The following ACP3 variants were observed in gnomAD, a reference collection of about 807,000 sequenced individuals.
The protein encoded by ACP3 is prostatic acid phosphatase.
Under a neutral mutation model 45.6 loss-of-function variants are expected in ACP3, and 38 were observed. The observed-to-expected ratio is 0.83, with a 90% CI of 0.64 to 1.09. The LOEUF is 1.09. Among genes scored for constraint, ACP3 ranks in the 50% least tolerant of loss-of-function variants. The pLI is 0.00. For missense variants in ACP3, 466 were observed against 463.2 expected (o/e 1.01, Z -0.05); for synonymous variants, 162 against 164.7 (o/e 0.98, Z 0.13).
chr3:132,368,122 G>GTA, exon 11 of ACP3: 2 of 223,108 alleles, frequency 9.0e-6, no homozygotes. Context: ...GAAATAAGAA[G>GTA]CCAAACTCCA....
chr3:132,366,007 T>C (rs1938126074), intron 10 of ACP3, among the ~76,000 whole-genome samples: 1 of 148,118 alleles, frequency 6.8e-6, no homozygotes, highest in South Asian at 2.1e-4. Flanking sequence ...AAAAAAAGGA[T>C]TGTGGCCTTG....
At chr3:132,321,572 C>T (rs1937207935) in intron 1 of ACP3, among the ~76,000 whole-genome samples, 1 of 152,160 alleles carries the variant, frequency 6.6e-6, no homozygotes, top group African/African-American at 2.4e-5. Flanking sequence ...GAGCTTCTCC[C>T]CAGATTTATG....
chr3:132,319,548 TTTTTTA>T (rs1456269419), intron 1 of ACP3, among the ~76,000 whole-genome samples: 5 of 144,860 alleles, frequency 3.5e-5, no homozygotes, highest in Admixed American at 6.6e-5. Context: ...TAGCAAATAA[TTTTTTA>T]GTCCCATGCA....
At chr3:132,367,764 T>C (rs1386758211) in exon 11 of ACP3, 1 of 1,613,964 alleles carries the variant, frequency 6.2e-7, no homozygotes, top group Non-Finnish European at 8.5e-7. Context: ...ATGGTACTAC[T>C]GTTTATCCAC....
At chr3:132,353,473 T>C (rs1184218900) in intron 9 of ACP3, among the ~76,000 whole-genome samples, 1 of 152,184 alleles carries the variant, frequency 6.6e-6, no homozygotes, top group Admixed American at 6.5e-5. Context: ...ACCAAAAATA[T>C]TTATCTGCTG....
chr3:132,338,249 A>G (rs1937518666), intron 5 of ACP3, among the ~76,000 whole-genome samples: 1 of 149,466 alleles, frequency 6.7e-6, no homozygotes, highest in Admixed American at 6.6e-5. Flanking sequence ...ATGGTATACT[A>G]TTCATAGGGT....
At chr3:132,335,036 T>G (rs1379730976) in intron 4 of ACP3, among the ~76,000 whole-genome samples, 1 of 152,178 alleles carries the variant, frequency 6.6e-6, no homozygotes, top group African/African-American at 2.4e-5. Flanking sequence ...TTCTGTTTAT[T>G]TTCAGCCTGA....
intron 1 of ACP3, among the ~76,000 whole-genome samples, chr3:132,322,938 C>A (rs1373918145): frequency 6.6e-6 from 1 of 152,218 alleles, no homozygotes; most frequent in Non-Finnish European, 1.5e-5. Flanking sequence ...ACCATTTTGG[C>A]TCTCAGTGTG....
At chr3:132,336,659 G>A (rs1473510649) in intron 4 of ACP3, among the ~76,000 whole-genome samples, 2 of 152,138 alleles carry the variant, frequency 1.3e-5, no homozygotes, top group Non-Finnish European at 2.9e-5. Context: ...TTTATGCAGA[G>A]ATCCTAAGCC....
In ACP3 at chr3:132,344,918, T is replaced by G; in HGVS notation, c.649-9T>G. On this transcript the variant is annotated splice_polypyrimidine_tract_variant and intron_variant, in intron 6 of 9. Coordinates refer to ENST00000336375, the MANE Select transcript of ACP3 (RefSeq NM_001099.5). ...CACATACATTTTTCTTCCTTTTTCT[T>G]TGCTACAGAGTGTTCACAATTTCAC... 3 of 1,611,930 alleles carry G rather than the reference T, an allele frequency of 1.9e-6. No individual in the cohort carries two copies. The highest frequency in any genetic ancestry group is 2.5e-6 in the Non-Finnish European group (3 of 1,179,392).
chr3:132,367,579 T>C, intron 10 of ACP3: 1 of 719,478 alleles, frequency 1.4e-6, no homozygotes, highest in Non-Finnish European at 2.5e-6. Context: ...ATAATGCTGA[T>C]TTCAAGGCCT....
chr3:132,318,715 A>C (rs954387170), intron 1 of ACP3, among the ~76,000 whole-genome samples: 26 of 152,276 alleles, frequency 1.7e-4, no homozygotes, highest in Middle Eastern at 3.4e-3. Context: ...AAAATATATA[A>C]TACTGTGTGC....
intron 7 of ACP3, among the ~76,000 whole-genome samples, chr3:132,347,330 G>GA (rs1421920754): frequency 1.3e-5 from 2 of 152,200 alleles, no homozygotes; most frequent in African/African-American, 4.8e-5. Flanking sequence ...CATGTTTATT[G>GA]AATGATGAAA....
chr3:132,361,205 C>G (rs1162518553), downstream of ACP3, among the ~76,000 whole-genome samples: 1 of 152,158 alleles, frequency 6.6e-6, no homozygotes, highest in Non-Finnish European at 1.5e-5. Context: ...AGTGATATCC[C>G]TTGTTCAATG....
Position 132,342,661 on chromosome 3 carries a change from T to G in ACP3, c.648+17T>G, listed in dbSNP as rs748493315. The G allele has an allele frequency of 7.0e-7, 1 of 1,437,288 alleles. No homozygotes were observed. Among genetic ancestry groups the G allele is most frequent in the Admixed American group, 2.1e-5 (1 of 47,576 alleles). The allele number at this position is 1,437,288 out of a possible 1,614,324, so 89.0% of individuals were successfully genotyped here. On this transcript the variant is annotated intron_variant, in intron 6 of 9. Coordinates refer to ENST00000336375, the MANE Select transcript of ACP3 (RefSeq NM_001099.5). ...TATTGTGAGGTAAAAGAAAAAAAAA[T>G]CACAGGTTAACTTGCAATCTGATTT...
intron 4 of ACP3, among the ~76,000 whole-genome samples, chr3:132,334,413 G>A (rs1262046199): frequency 2.6e-5 from 4 of 152,298 alleles, no homozygotes; most frequent in Non-Finnish European, 4.4e-5. Flanking sequence ...AATAGGAGGC[G>A]AAGTTTTTCT....
intron 6 of ACP3, among the ~76,000 whole-genome samples, chr3:132,343,633 C>T (rs1279577983): frequency 6.6e-6 from 1 of 152,068 alleles, no homozygotes; most frequent in African/African-American, 2.4e-5. Flanking sequence ...CTCTGTAGGT[C>T]ACTCCACTTT....
chr3:132,360,329 AAC>A (rs796664072), downstream of ACP3, among the ~76,000 whole-genome samples: 1,367 of 148,370 alleles, frequency 9.2e-3, 18 homozygotes, highest in Non-Finnish European at 0.014. Flanking sequence ...AAAAAAAAAA[AAC>A]AATACAGGAC....
chr3:132,358,527 TGAGATGGTTTCTA>T lies in ACP3; in HGVS notation c.*1663_*1675del. The stretch of plus-strand genomic sequence containing the variant: ...GCTCTATTACCATTATGGATAAAGA[TGAGATGGTTTCTA>T]GAGATGGTTTCTACTGGCTGCCAGA... On this transcript the variant is annotated 3_prime_UTR_variant, in exon 10 of 10. Coordinates refer to ENST00000336375, the MANE Select transcript of ACP3 (RefSeq NM_001099.5). 8.4e-7 allele frequency: 1 copy of T among 1,195,014 alleles called. No individual in the cohort carries two copies. Among genetic ancestry groups the T allele is most frequent in the African/African-American group, 1.6e-5 (1 of 64,160 alleles). The allele number at this position is 1,195,014 out of a possible 1,614,324, so 74.0% of individuals were successfully genotyped here. A position where few individuals can be genotyped will look rare whatever the true frequency, so the allele number is the denominator to read the frequency against.
Sources: gnomAD v4.1 joint callset for allele counts (sites outside exome capture counted in the v4.1 genomes callset) on GRCh38, gnomAD v4.1.1 for gene constraint, MANE v1.5 for transcripts, NCBI Gene and HGNC (gene_info 2026-07-23, HGNC 2026-07-21) for gene names.